The following ZFP14 variants were observed in gnomAD, a reference collection of about 807,000 sequenced individuals.
ZFP14 encodes zinc finger protein 14 homolog.
Under a neutral mutation model 54.5 loss-of-function variants are expected in ZFP14, and 22 were observed. That is an observed-to-expected ratio of 0.40 (90% confidence interval 0.29 to 0.58). ZFP14 has a LOEUF of 0.58. ZFP14 is among the 20% of genes least tolerant of loss of function. The probability of loss-of-function intolerance (pLI) is 0.39; values close to 1 mark genes in which losing one functional copy is unlikely to be tolerated. For synonymous variants in ZFP14, 159 were observed against 204.0 expected (o/e 0.78, Z 1.88); for missense variants, 470 against 637.8 (o/e 0.74, Z 2.83).
intron 1 of ZFP14, chr19:36,378,165 T>A (rs1338711175): frequency 6.6e-6 from 1 of 152,234 alleles, no homozygotes; most frequent in East Asian, 1.9e-4. Flanking sequence ...GAGGATCTAA[T>A]GACAGCTGCA....
At chr19:36,349,343 T>A (rs1158285783) in intron 4 of ZFP14, among the ~76,000 whole-genome samples, 1 of 149,946 alleles carries the variant, frequency 6.7e-6, no homozygotes, top group African/African-American at 2.5e-5. Flanking sequence ...CCAGTTTAAT[T>A]AATAATTCCC....
intron 2 of ZFP14, among the ~76,000 whole-genome samples, chr19:36,364,796 A>C (rs981812805): frequency 3.9e-5 from 6 of 152,072 alleles, no homozygotes; most frequent in African/African-American, 7.2e-5. Context: ...GTCAGATAAG[A>C]CCAAATTCTC....
At chr19:36,369,355 G>A (rs1414286723) in intron 1 of ZFP14, among the ~76,000 whole-genome samples, 1 of 152,074 alleles carries the variant, frequency 6.6e-6, no homozygotes, top group African/African-American at 2.4e-5. Flanking sequence ...CATTTGTTTT[G>A]AATCTACATT....
In ZFP14 at chr19:36,334,641, A is replaced by C. The variant is rs2145532215; in HGVS notation, c.*5583T>G. 1 of 152,274 alleles carries C rather than the reference A, an allele frequency of 6.6e-6. No homozygotes were observed. Among genetic ancestry groups the C allele is most frequent in the South Asian group, 2.1e-4 (1 of 4,826 alleles). The allele number at this position is 152,274 out of a possible 1,614,324, so 9.4% of individuals were successfully genotyped here. On this transcript the variant is annotated 3_prime_UTR_variant, in exon 5 of 5. Coordinates refer to ENST00000270001, the MANE Select transcript of ZFP14 (RefSeq NM_020917.3). ...ACTTTCAGAGCATGATATGAGCTGC[A>C]AAAAATTGCCCTGACTTATGCCGCC...
chr19:36,341,648 A>G lies in ZFP14; in HGVS notation c.236-58T>C. 4.1e-6 allele frequency: 6 copies of G among 1,473,910 alleles called. No individual in the cohort carries two copies. The highest frequency in any genetic ancestry group is 1.9e-4 in the Middle Eastern group (1 of 5,174). 91.3% of individuals were successfully genotyped at this position (1,473,910 alleles called of 1,614,324 possible). A position where few individuals can be genotyped will look rare whatever the true frequency, so the allele number is the denominator to read the frequency against. ...TTTTCCTGTTCCAGAAAGAAAAAAC[A>G]AACAAACAAAAAAACCACTTCTATA... On this transcript the variant is annotated intron_variant, in intron 4 of 4. Transcript: ENST00000270001. The surrounding 1 kb of genome is among the most constrained non-coding windows in gnomAD (Gnocchi z 4.2).
intron 1 of ZFP14, among the ~76,000 whole-genome samples, chr19:36,374,639 G>A (rs1483547417): frequency 2.0e-5 from 3 of 152,084 alleles, no homozygotes; most frequent in African/African-American, 7.2e-5. Context: ...TGAAAATGAT[G>A]CAACCATTAA....
In ZFP14 at chr19:36,340,422, G is replaced by C. The variant is rs771554825; in HGVS notation, c.1404C>G (p.Thr468=). The C allele has an allele frequency of 1.9e-6, 3 of 1,607,276 alleles. No homozygotes were observed. Among genetic ancestry groups the C allele is most frequent in the Admixed American group, 3.4e-5 (2 of 59,116 alleles). The change falls in exon 5 of 5, where the codon ACC becomes ACG. Residue 468 remains threonine (T), a synonymous_variant. Transcript: ENST00000270001. This position sits in a 1 kb window ranked among gnomAD's most constrained non-coding sequence, Gnocchi z 5.4. ...RKPFRLLSQL[T]QHQSIHTGEK... is the part of the protein sequence containing the mutation. Reference sequence around the variant, plus strand: ...CACCAGTGTGAATACTCTGATGTTGGGTAAGTTGTGAGAGCAGTCTAAAAG... The same window carrying C: ...CACCAGTGTGAATACTCTGATGTTGCGTAAGTTGTGAGAGCAGTCTAAAAG...
chr19:36,352,867 G>A (rs1201064859), intron 4 of ZFP14, among the ~76,000 whole-genome samples: 2 of 140,362 alleles, frequency 1.4e-5, no homozygotes, highest in Non-Finnish European at 3.1e-5. Flanking sequence ...CGTGAACCCG[G>A]GAGGCGGAGC....
At chr19:36,360,762 G>A (rs556874694) in intron 3 of ZFP14, among the ~76,000 whole-genome samples, 2 of 152,246 alleles carry the variant, frequency 1.3e-5, no homozygotes, top group African/African-American at 4.8e-5. Flanking sequence ...TAACCATCTG[G>A]TCAAGAACAG....
At chr19:36,356,112 T>C (rs1181703024) in intron 4 of ZFP14, among the ~76,000 whole-genome samples, 1 of 114,558 alleles carries the variant, frequency 8.7e-6, no homozygotes, top group Non-Finnish European at 2.0e-5. Flanking sequence ...GTTAACATCT[T>C]AGGTAAGTAT....
At chr19:36,373,234 G>A (rs1186266060) in intron 1 of ZFP14, among the ~76,000 whole-genome samples, 6 of 150,944 alleles carry the variant, frequency 4.0e-5, no homozygotes, top group Admixed American at 6.6e-5. Flanking sequence ...CCGAGATGGC[G>A]TCATTGCACT....
chr19:36,376,072 CATG>C (rs2031958155), intron 1 of ZFP14, among the ~76,000 whole-genome samples: 1 of 151,920 alleles, frequency 6.6e-6, no homozygotes, highest in South Asian at 2.1e-4. Context: ...TATTTTTCTG[CATG>C]ATATTAGACA....
At chr19:36,374,758 C>T (rs1568475958) in intron 1 of ZFP14, among the ~76,000 whole-genome samples, 1 of 152,088 alleles carries the variant, frequency 6.6e-6, no homozygotes, top group Non-Finnish European at 1.5e-5. Context: ...TCATGTTTCC[C>T]TAGCAGGACC....
At position 36,340,567 on chromosome 19, in the gene ZFP14, C is replaced by G; in HGVS notation, c.1259G>C (p.Gly420Ala). Residue 420 changes from glycine to alanine, a missense_variant, in exon 5 of 5, where the codon GGT becomes GCT. Gly to Ala is a moderately conservative substitution (Grantham distance 60). Coordinates refer to ENST00000270001, the MANE Select transcript of ZFP14 (RefSeq NM_020917.3). This position sits in a 1 kb window ranked among gnomAD's most constrained non-coding sequence, Gnocchi z 5.4. ...CTCTTCACATTCATAGGGTCTCTCA[C>G]CAATATGAATGCTCTGGTGTGAAAT... ...QLISHQSIHI[G>A]ERPYECEECG... The G allele has an allele frequency of 6.2e-7, 1 of 1,614,044 alleles. No homozygotes were observed. Among genetic ancestry groups the G allele is most frequent in the Non-Finnish European group, 8.5e-7 (1 of 1,179,974 alleles).
At chr19:36,361,462 G>T (rs1299387973) in intron 3 of ZFP14, among the ~76,000 whole-genome samples, 1 of 151,750 alleles carries the variant, frequency 6.6e-6, no homozygotes, top group African/African-American at 2.4e-5. Context: ...CTGGTCTGGA[G>T]CTCCTGACCT....
rs1457662595 is a variant in ZFP14 at position 36,351,222 on chromosome 19, GGT to G, written c.235+9211_235+9212del. Among the ~76,000 whole-genome samples, 8 of 144,116 alleles carry G rather than the reference GGT, an allele frequency of 5.6e-5. No homozygotes were observed. The East Asian group carries it at 1.6e-3, about 30-fold the overall frequency. The allele number at this position is 144,116 out of a possible 152,430, so 94.5% of individuals were successfully genotyped here. A position where few individuals can be genotyped will look rare whatever the true frequency, so the allele number is the denominator to read the frequency against. On this transcript the variant is annotated intron_variant, in intron 4 of 4. Transcript: ENST00000270001. ...ATTAAGATACATGACAACAGAGCTG[GGT>G]ACAGTGGCTCAGGCCTGTAATCCCA...
chr19:36,340,600 G>A lies in ZFP14; in HGVS notation c.1226C>T (p.Ser409Leu). Reference sequence around the variant, plus strand: ...AATGCTCTGGTGTGAAATAAGCTGTGAGTAACTACTAAAGGTCTTCCAACA... The same window carrying A: ...AATGCTCTGGTGTGAAATAAGCTGTAAGTAACTACTAAAGGTCTTCCAACA... ...MECWKTFSSY[S>L]QLISHQSIHI... The change falls in exon 5 of 5, where the codon TCA (serine) becomes TTA (leucine). Residue 409 changes from serine to leucine, a missense_variant. By Grantham distance (145) the Ser-to-Leu change is moderately radical. Coordinates refer to ENST00000270001, the MANE Select transcript of ZFP14 (RefSeq NM_020917.3). This position sits in a 1 kb window ranked among gnomAD's most constrained non-coding sequence, Gnocchi z 5.4. 1 of 1,614,040 alleles carries A rather than the reference G, an allele frequency of 6.2e-7. No homozygotes were observed. The highest frequency in any genetic ancestry group is 8.5e-7 in the Non-Finnish European group (1 of 1,179,982).
intron 2 of ZFP14, among the ~76,000 whole-genome samples, chr19:36,364,073 C>T (rs922123159): frequency 2.0e-5 from 3 of 152,084 alleles, no homozygotes; most frequent in Non-Finnish European, 4.4e-5. Flanking sequence ...CAATGGACCT[C>T]GTTCCTGGCA....
chr19:36,354,769 T>C (rs544599925), intron 4 of ZFP14, among the ~76,000 whole-genome samples: 1 of 142,888 alleles, frequency 7.0e-6, no homozygotes, highest in African/African-American at 2.6e-5. Flanking sequence ...CCTCCCAGGT[T>C]CAAGCGATAC....
Sources: gnomAD v4.1 joint callset for allele counts (sites outside exome capture counted in the v4.1 genomes callset) on GRCh38, gnomAD v4.1.1 for gene constraint, Gnocchi (gnomAD v3.1) non-coding constraint, MANE v1.5 for transcripts, NCBI Gene and HGNC (gene_info 2026-07-23, HGNC 2026-07-21) for gene names.